Variants in SFRP1 observed in about 807,000 individuals in gnomAD.
SFRP1 encodes the protein secreted frizzled related protein 1.
In SFRP1, 9 loss-of-function variants were observed where a neutral mutation model predicts 25.9. That is an observed-to-expected ratio of 0.35 (90% CI 0.21 to 0.61). SFRP1 has a LOEUF of 0.61. SFRP1 is among the 20% of genes least tolerant of loss of function. The probability of loss-of-function intolerance (pLI) is 0.78; values close to 1 mark genes in which losing one functional copy is unlikely to be tolerated. For synonymous variants in SFRP1, 178 were observed against 174.0 expected (o/e 1.02, Z -0.18); for missense variants, 346 against 418.2 (o/e 0.83, Z 1.51).
At chr8:41,269,428 TA>T (rs1384607668) in intron 2 of SFRP1, among the ~76,000 whole-genome samples, 4 of 152,196 alleles carry the variant, frequency 2.6e-5, no homozygotes, top group Non-Finnish European at 5.9e-5. Flanking sequence ...CGGGAAATCT[TA>T]AAATAATCCA....
chr8:41,296,114 C>G (rs1415490042), intron 2 of SFRP1, among the ~76,000 whole-genome samples: 3 of 55,232 alleles, frequency 5.4e-5, no homozygotes, highest in Non-Finnish European at 1.0e-4. Context: ...CCCAGCCAGA[C>G]AGACTGCAGT....
intron 2 of SFRP1, among the ~76,000 whole-genome samples, chr8:41,266,332 A>T (rs935963837): frequency 6.6e-6 from 1 of 152,170 alleles, no homozygotes; most frequent in Non-Finnish European, 1.5e-5. Context: ...GTTATCATGC[A>T]CTGCTTTAAG....
intron 2 of SFRP1, among the ~76,000 whole-genome samples, chr8:41,287,929 T>C (rs1401673090): frequency 6.6e-6 from 1 of 152,010 alleles, no homozygotes; most frequent in Non-Finnish European, 1.5e-5. Flanking sequence ...ACAGGGTGAA[T>C]GACAAGTTAG....
chr8:41,278,688 A>G (rs1402092626), intron 2 of SFRP1, among the ~76,000 whole-genome samples: 1 of 152,224 alleles, frequency 6.6e-6, no homozygotes, highest in Non-Finnish European at 1.5e-5. Flanking sequence ...GCACAAGAGC[A>G]CCATCTTGGT....
chr8:41,278,764 C>A (rs1803600471), intron 2 of SFRP1, among the ~76,000 whole-genome samples: 1 of 152,240 alleles, frequency 6.6e-6, no homozygotes, highest in African/African-American at 2.4e-5. Flanking sequence ...AAATAATAAT[C>A]AGCAGATCTT....
At chr8:41,271,879 A>G (rs1000015705) in intron 2 of SFRP1, among the ~76,000 whole-genome samples, 1 of 152,022 alleles carries the variant, frequency 6.6e-6, no homozygotes, top group African/African-American at 2.4e-5. Context: ...TGAGAAGATC[A>G]GCTGAGTCTG....
At chr8:41,297,255 G>T (rs1803855222) in intron 2 of SFRP1, among the ~76,000 whole-genome samples, 1 of 151,850 alleles carries the variant, frequency 6.6e-6, no homozygotes, top group Non-Finnish European at 1.5e-5. Context: ...TTTTGGCCAG[G>T]CTGGTCTTGA....
At position 41,295,290 on chromosome 8, in the gene SFRP1, G is replaced by A. The variant is rs572296328; in HGVS notation, c.622+8171C>T. Among the ~76,000 whole-genome samples, 109 of 152,262 alleles carry A rather than the reference G, an allele frequency of 7.2e-4. 1 individual carries two copies. The South Asian group carries it at 9.7e-3, about 14-fold the overall frequency. On this transcript the variant is annotated intron_variant, in intron 2 of 2. Coordinates refer to ENST00000220772, the MANE Select transcript of SFRP1 (RefSeq NM_003012.5). ...GCAGGAGAATTGCTTGAACCCAGGAGGCAGAGGTTGCAGTGAGCCAAGATC... is the reference window on the plus strand; with the variant it reads ...GCAGGAGAATTGCTTGAACCCAGGAAGCAGAGGTTGCAGTGAGCCAAGATC...
chr8:41,297,711 A>C (rs1803861211), intron 2 of SFRP1, among the ~76,000 whole-genome samples: 1 of 152,060 alleles, frequency 6.6e-6, no homozygotes, highest in African/African-American at 2.4e-5. Context: ...CTTAGCTTAT[A>C]GGGTAGGGAT....
At chr8:41,268,422 A>C (rs1423872489) in intron 2 of SFRP1, among the ~76,000 whole-genome samples, 2 of 152,190 alleles carry the variant, frequency 1.3e-5, no homozygotes, top group Non-Finnish European at 2.9e-5. Context: ...CACTCTTCTG[A>C]TTGTGTTGCT....
intron 2 of SFRP1, among the ~76,000 whole-genome samples, chr8:41,296,865 C>A (rs1043632448): frequency 1.3e-5 from 2 of 152,150 alleles, no homozygotes; most frequent in African/African-American, 4.8e-5. Context: ...TCACAGCTCC[C>A]GCATTCAGCC....
At chr8:41,286,991 C>T (rs1218067314) in intron 2 of SFRP1, among the ~76,000 whole-genome samples, 3 of 152,246 alleles carry the variant, frequency 2.0e-5, no homozygotes, top group Non-Finnish European at 4.4e-5. Flanking sequence ...CAGTGCAGGC[C>T]TCCAGGTATC....
At chr8:41,306,737 A>AGGAG in intron 1 of SFRP1, 5 of 1,597,934 alleles carry the variant, frequency 3.1e-6, no homozygotes, top group Non-Finnish European at 4.2e-6. Context: ...CGCTGCTGGG[A>AGGAG]GGAGTGGAGG....
chr8:41,265,311 G>T lies in SFRP1; in HGVS notation c.801C>A (p.His267Gln), dbSNP rs1419662937. The T allele has an allele frequency of 6.2e-7, 1 of 1,614,078 alleles. No individual in the cohort carries two copies. The highest frequency in any genetic ancestry group is 8.5e-7 in the Non-Finnish European group (1 of 1,180,052). The part of the protein sequence containing the change: ...PCHQLDNLSH[H>Q]FLIMGRKVKS... Reference sequence around the variant, plus strand: ...TCACCTTGCGGCCCATGATGAGGAAGTGGTGGCTGAGGTTGTCCAGCTGGT... The same window carrying T: ...TCACCTTGCGGCCCATGATGAGGAATTGGTGGCTGAGGTTGTCCAGCTGGT... The change falls in exon 3 of 3, where the codon CAC becomes CAA. Residue 267 changes from histidine (H) to glutamine (Q), a missense_variant. Physicochemically the swap from His to Gln is conservative, Grantham distance 24 (BLOSUM62 0). Coordinates refer to ENST00000220772, the MANE Select transcript of SFRP1 (RefSeq NM_003012.5).
At chr8:41,291,485 C>T (rs900536079) in intron 2 of SFRP1, among the ~76,000 whole-genome samples, 1 of 152,200 alleles carries the variant, frequency 6.6e-6, no homozygotes, top group African/African-American at 2.4e-5. Context: ...ACCTTTGCTG[C>T]CTGACAAATG....
chr8:41,300,332 T>A (rs1169742179), intron 2 of SFRP1, among the ~76,000 whole-genome samples: 1 of 152,174 alleles, frequency 6.6e-6, no homozygotes, highest in African/African-American at 2.4e-5. Flanking sequence ...GAAAAAAGAA[T>A]CCTTCCAGAA....
intron 2 of SFRP1, among the ~76,000 whole-genome samples, chr8:41,272,184 C>G (rs767176361): frequency 1.3e-5 from 2 of 152,092 alleles, no homozygotes; most frequent in African/African-American, 4.8e-5. Flanking sequence ...ATAATATTTA[C>G]ATAATTCTAA....
chr8:41,289,110 G>A (rs536076840), intron 2 of SFRP1, among the ~76,000 whole-genome samples: 21 of 152,180 alleles, frequency 1.4e-4, no homozygotes, highest in African/African-American at 4.6e-4. Flanking sequence ...GGCACATAGC[G>A]ACTTCTCTTC....
intron 2 of SFRP1, among the ~76,000 whole-genome samples, chr8:41,273,049 G>A (rs1017603900): frequency 2.6e-5 from 4 of 152,338 alleles, no homozygotes; most frequent in Non-Finnish European, 4.4e-5. Context: ...ATTTGATACT[G>A]AGGCAAGCTA....
Sources: allele counts gnomAD v4.1 joint callset (sites outside exome capture counted in the v4.1 genomes callset), GRCh38; gene constraint gnomAD v4.1.1; transcripts MANE v1.5; gene names NCBI Gene and HGNC (gene_info 2026-07-23, HGNC 2026-07-21).